Variants in HDLBP observed in about 807,000 individuals in gnomAD.
HDLBP encodes the protein high density lipoprotein binding protein, also known as vigilin.
In HDLBP, 30 loss-of-function variants were observed where a neutral mutation model predicts 137.3. The observed-to-expected ratio is 0.22, with a 90% confidence interval of 0.16 to 0.30. HDLBP has a LOEUF of 0.30. Ranked by LOEUF, HDLBP falls within the 10% of genes least tolerant of loss-of-function variation. The probability of loss-of-function intolerance (pLI) is 1.00; values close to 1 mark genes in which losing one functional copy is unlikely to be tolerated. For missense variants in HDLBP, 1,119 were observed against 1,667.3 expected (o/e 0.67, Z 5.73); for synonymous variants, 606 against 596.0 (o/e 1.02, Z -0.24).
At chr2:241,313,424 C>T (rs1201458462) in intron 1 of HDLBP, among the ~76,000 whole-genome samples, 1 of 152,044 alleles carries the variant, frequency 6.6e-6, no homozygotes, top group Non-Finnish European at 1.5e-5. Flanking sequence ...GGATTACAGG[C>T]GCGCGCCACC....
intron 1 of HDLBP, among the ~76,000 whole-genome samples, chr2:241,287,180 G>T (rs928384413): frequency 6.6e-6 from 1 of 151,172 alleles, no homozygotes; most frequent in Admixed American, 6.6e-5. Context: ...GCGTGATCTT[G>T]GCTCACCGAA....
At chr2:241,276,958 T>TA (rs911441782) in intron 1 of HDLBP, among the ~76,000 whole-genome samples, 18 of 149,098 alleles carry the variant, frequency 1.2e-4, no homozygotes, top group Non-Finnish European at 2.5e-4. Flanking sequence ...GACACCTTTT[T>TA]AAAAAACCAT....
chr2:241,259,994 GTTATTTAT>G lies in HDLBP; in HGVS notation c.450+2709_450+2716del, dbSNP rs147269062. Among the ~76,000 whole-genome samples, 353 of 152,086 alleles carry G rather than the reference GTTATTTAT, an allele frequency of 2.3e-3. 1 individual carries two copies. The highest frequency in any genetic ancestry group is 7.5e-3 in the African/African-American group (309 of 41,456). ...ATCTTTCTGTGTTAGAAATTAAGAA[GTTATTTAT>G]TTATTTATTTATTATTTTGAGACAG... On this transcript the variant is annotated intron_variant, in intron 5 of 27. Transcript: ENST00000310931.
In HDLBP at chr2:241,228,622, ACATCT is replaced by A. The variant is rs773542080; in HGVS notation, c.*974_*978del. On this transcript the variant is annotated 3_prime_UTR_variant, in exon 28 of 28. Transcript: ENST00000310931. ...CACGGGAAACCCATAACCACCAGAA[ACATCT>A]CAATCAAGAGACGGGTGTGTGGGGT... is the stretch of plus-strand genomic sequence containing the variant. The A allele has an allele frequency of 6.6e-6, 1 of 152,468 alleles. No homozygotes were observed. The highest frequency in any genetic ancestry group is 1.5e-5 in the Non-Finnish European group (1 of 68,038). 9.4% of individuals were successfully genotyped at this position (152,468 alleles called of 1,614,324 possible).
chr2:241,237,739 G>A (rs2070728419), intron 20 of HDLBP, among the ~76,000 whole-genome samples: 1 of 152,070 alleles, frequency 6.6e-6, no homozygotes, highest in Non-Finnish European at 1.5e-5. Flanking sequence ...GTGTGTAAAA[G>A]GGGAGAAGTT....
rs183637245 is a variant in HDLBP at position 241,240,051 on chromosome 2, G to A, written c.2241C>T (p.Gly747=). ...EYHKFLIGKG[G]GKIRKVRDST... ...TGTCGCGCACCTTGCGAATTTTGCC[G>A]CCCCCCTTGCCGATGAGGAATTTGT... Residue 747 remains glycine (G), a synonymous_variant, in exon 18 of 28, where the codon GGC becomes GGT. Transcript: ENST00000310931. The surrounding 1 kb of genome is among the most constrained non-coding windows in gnomAD (Gnocchi z 5.5). The A allele has an allele frequency of 1.7e-4, 279 of 1,614,160 alleles. No homozygotes were observed. The highest frequency in any genetic ancestry group is 7.8e-4 in the East Asian group (35 of 44,874).
chr2:241,295,778 G>A (rs57196672), intron 1 of HDLBP, among the ~76,000 whole-genome samples: 16,872 of 152,184 alleles, frequency 0.11, 1,187 homozygotes, highest in Non-Finnish European at 0.15. Flanking sequence ...CGTGACAGAC[G>A]AGAAAGCCAC....
chr2:241,305,713 C>T (rs913309684), intron 1 of HDLBP, among the ~76,000 whole-genome samples: 22 of 151,514 alleles, frequency 1.5e-4, no homozygotes, highest in African/African-American at 4.6e-4. Context: ...AAATAAATAG[C>T]GTGATGACTA....
intron 22 of HDLBP, 80 bp from the exon 23 acceptor site, chr2:241,235,335 G>A: frequency 6.3e-7 from 1 of 1,589,432 alleles, no homozygotes; most frequent in Non-Finnish European, 8.6e-7. Context: ...ACCCAGAAGT[G>A]GTGAGAGGGA....
chr2:241,243,087 T>A (rs1292126429), intron 16 of HDLBP, among the ~76,000 whole-genome samples: 2 of 152,128 alleles, frequency 1.3e-5, no homozygotes, highest in Non-Finnish European at 2.9e-5. Context: ...AACCAAAGAT[T>A]CTGCTTTCAG....
At chr2:241,313,023 C>T (rs1460131159) in intron 1 of HDLBP, among the ~76,000 whole-genome samples, 1 of 152,190 alleles carries the variant, frequency 6.6e-6, no homozygotes, top group Non-Finnish European at 1.5e-5. Context: ...CTATAAATGT[C>T]AGCCTCCTCT....
chr2:241,252,857 G>T, intron 11 of HDLBP, 100 bp downstream of exon 11: 1 of 773,748 alleles, frequency 1.3e-6, no homozygotes, highest in Non-Finnish European at 2.3e-6. Flanking sequence ...GCAGCAATGG[G>T]CCTGGACTGT....
At chr2:241,299,192 T>G (rs1271926792) in intron 1 of HDLBP, among the ~76,000 whole-genome samples, 1 of 152,186 alleles carries the variant, frequency 6.6e-6, no homozygotes, top group African/African-American at 2.4e-5. Flanking sequence ...AAAAAATTAA[T>G]GGAGGATATG....
chr2:241,299,941 A>G (rs540539143), intron 1 of HDLBP, among the ~76,000 whole-genome samples: 17 of 152,264 alleles, frequency 1.1e-4, no homozygotes, highest in African/African-American at 3.1e-4. Flanking sequence ...AATTTTGACT[A>G]TATCTGTTTA....
intron 17 of HDLBP, among the ~76,000 whole-genome samples, chr2:241,241,568 A>AAAAAC (rs1216556269): frequency 1.0e-3 from 19 of 18,506 alleles, no homozygotes; most frequent in Non-Finnish European, 2.0e-3. Context: ...CTCCGTCTCA[A>AAAAAC]AAAAAAAAAA....
intron 1 of HDLBP, among the ~76,000 whole-genome samples, chr2:241,276,551 A>G (rs1262118537): frequency 6.6e-6 from 1 of 152,130 alleles, no homozygotes; most frequent in Non-Finnish European, 1.5e-5. Context: ...AAACTGACCA[A>G]CTCTAACAGC....
In HDLBP at chr2:241,229,585, C is replaced by G; in HGVS notation, c.*16G>C. On this transcript the variant is annotated 3_prime_UTR_variant, in exon 28 of 28. Coordinates refer to ENST00000310931, the MANE Select transcript of HDLBP (RefSeq NM_005336.6). ...TTGGGTCAGCAGGCTGGAGAGGGTT[C>G]TGTTCTTTTTGATCATTATCGTTTG... The G allele has an allele frequency of 6.3e-7, 1 of 1,598,104 alleles. No homozygotes were observed. The highest frequency in any genetic ancestry group is 1.1e-5 in the South Asian group (1 of 90,490).
chr2:241,302,599 A>T (rs2075432206), intron 1 of HDLBP: 1 of 152,054 alleles, frequency 6.6e-6, no homozygotes, highest in Non-Finnish European at 1.5e-5. Flanking sequence ...TATTTCTCCC[A>T]ATTTTACACT....
At chr2:241,241,634 A>G (rs556641444) in intron 17 of HDLBP, among the ~76,000 whole-genome samples, 160 of 148,770 alleles carry the variant, frequency 1.1e-3, no homozygotes, top group African/African-American at 3.6e-3. Flanking sequence ...GCTAATATAC[A>G]TGAGCTTTAT....
Sources: gnomAD v4.1 joint callset for allele counts (sites outside exome capture counted in the v4.1 genomes callset) on GRCh38, gnomAD v4.1.1 for gene constraint, Gnocchi (gnomAD v3.1) non-coding constraint, MANE v1.5 for transcripts, NCBI Gene and HGNC (gene_info 2026-07-23, HGNC 2026-07-21) for gene names.